The following HPSE2 variants were observed in gnomAD, a reference collection of about 807,000 sequenced individuals.
HPSE2 encodes inactive heparanase-2.
In HPSE2, 38 loss-of-function variants were observed where a neutral mutation model predicts 60.5. That is an observed-to-expected ratio of 0.63 (90% CI 0.48 to 0.82). The LOEUF (loss-of-function observed/expected upper bound fraction) is 0.82, where lower values mean the gene tolerates loss of function less well. Ranked by LOEUF, HPSE2 falls within the 40% of genes least tolerant of loss-of-function variation. HPSE2 has a pLI of 0.00. For missense variants in HPSE2, 713 were observed against 740.4 expected (o/e 0.96, Z 0.43); for synonymous variants, 295 against 293.2 (o/e 1.01, Z -0.06).
intron 11 of HPSE2, among the ~76,000 whole-genome samples, chr10:98,481,984 G>C (rs1371371588): frequency 6.6e-6 from 1 of 152,152 alleles, no homozygotes; most frequent in African/African-American, 2.4e-5. Context: ...GGGAGGCAGG[G>C]AGTGTCACAG....
chr10:98,639,517 G>A (rs1201806246), intron 7 of HPSE2, among the ~76,000 whole-genome samples: 1 of 152,176 alleles, frequency 6.6e-6, no homozygotes, highest in Non-Finnish European at 1.5e-5. Context: ...GGGCTCTACT[G>A]TTCCTCCCAG....
At chr10:98,558,552 A>G (rs942604051) in intron 9 of HPSE2, among the ~76,000 whole-genome samples, 3 of 152,216 alleles carry the variant, frequency 2.0e-5, no homozygotes, top group African/African-American at 7.2e-5. Context: ...TAAAACTGGC[A>G]AAATTATTCC....
chr10:99,050,313 A>C (rs866460112), intron 3 of HPSE2, among the ~76,000 whole-genome samples: 29 of 151,946 alleles, frequency 1.9e-4, no homozygotes, highest in African/African-American at 6.5e-4. Flanking sequence ...AAAAAAAAAA[A>C]CCCCTAAAAC....
chr10:98,851,813 T>C (rs1952179738), intron 3 of HPSE2, among the ~76,000 whole-genome samples: 1 of 152,206 alleles, frequency 6.6e-6, no homozygotes, highest in African/African-American at 2.4e-5. Flanking sequence ...TGGAATTCTT[T>C]ACACTACAAC....
At chr10:99,044,135 C>G (rs1957802840) in intron 3 of HPSE2, among the ~76,000 whole-genome samples, 1 of 152,106 alleles carries the variant, frequency 6.6e-6, no homozygotes, top group Non-Finnish European at 1.5e-5. Context: ...AGAGGAAACC[C>G]CATCAGGCTA....
At chr10:98,691,309 G>C (rs1948071750) in intron 6 of HPSE2, among the ~76,000 whole-genome samples, 1 of 151,958 alleles carries the variant, frequency 6.6e-6, no homozygotes, top group Admixed American at 6.6e-5. Context: ...TGCTTTTTAG[G>C]GTATTTTTGG....
intron 3 of HPSE2, among the ~76,000 whole-genome samples, chr10:98,815,129 T>G (rs1354084473): frequency 3.3e-5 from 5 of 151,844 alleles, no homozygotes; most frequent in Non-Finnish European, 7.4e-5. Context: ...TAAATAAAAA[T>G]AAAATTAGCC....
chr10:98,666,740 A>T (rs969011080), intron 6 of HPSE2, among the ~76,000 whole-genome samples: 2 of 152,214 alleles, frequency 1.3e-5, no homozygotes, highest in African/African-American at 4.8e-5. Flanking sequence ...ACTAATGAAA[A>T]TGGAAACACA....
At chr10:99,197,835 T>C (rs1241979560) in intron 2 of HPSE2, among the ~76,000 whole-genome samples, 1 of 152,060 alleles carries the variant, frequency 6.6e-6, no homozygotes, top group Non-Finnish European at 1.5e-5. Context: ...CCAAAGCAGG[T>C]GGATCACCTG....
intron 9 of HPSE2, among the ~76,000 whole-genome samples, chr10:98,493,261 A>G (rs1026575389): frequency 2.0e-5 from 3 of 152,232 alleles, no homozygotes; most frequent in African/African-American, 7.2e-5. Context: ...TGCAATGAGA[A>G]AAAATGTATA....
the HPSE2 span, among the ~76,000 whole-genome samples, chr10:99,279,849 T>G: frequency 6.6e-6 from 1 of 152,216 alleles, no homozygotes; most frequent in African/African-American, 2.4e-5. Context: ...GGGACTACAC[T>G]GAGTAAATAA....
intron 9 of HPSE2, among the ~76,000 whole-genome samples, chr10:98,559,020 C>G (rs1208440902): frequency 3.3e-5 from 5 of 152,054 alleles, no homozygotes; most frequent in Non-Finnish European, 5.9e-5. Flanking sequence ...ATCGAAGCCT[C>G]TCTGTCTGTT....
intron 3 of HPSE2, among the ~76,000 whole-genome samples, chr10:98,933,421 T>C (rs1159526109): frequency 6.9e-6 from 1 of 144,384 alleles, no homozygotes. Flanking sequence ...AAAAGAAATG[T>C]ATATTCTGTT....
intron 5 of HPSE2, among the ~76,000 whole-genome samples, chr10:98,714,884 T>C (rs553985467): frequency 6.6e-6 from 1 of 151,952 alleles, no homozygotes; most frequent in East Asian, 1.9e-4. Flanking sequence ...TTTTAGTGGA[T>C]GTGAGGTGGT....
At chr10:98,769,298 C>T (rs187707966) in intron 3 of HPSE2, among the ~76,000 whole-genome samples, 102 of 152,204 alleles carry the variant, frequency 6.7e-4, no homozygotes, top group African/African-American at 2.3e-3. Context: ...ATATATGTGT[C>T]TTGAAAGTCT....
intron 3 of HPSE2, among the ~76,000 whole-genome samples, chr10:99,089,997 G>A (rs1029837166): frequency 6.6e-6 from 1 of 152,068 alleles, no homozygotes; most frequent in Non-Finnish European, 1.5e-5. Flanking sequence ...TGTATAGCAG[G>A]GCTACTGATT....
chr10:99,016,273 C>A (rs1957139286), intron 3 of HPSE2, among the ~76,000 whole-genome samples: 1 of 152,144 alleles, frequency 6.6e-6, no homozygotes, highest in African/African-American at 2.4e-5. Flanking sequence ...ATCCCAGCAC[C>A]ATTTATTGAA....
At chr10:99,178,801 G>A (rs1393411059) in intron 2 of HPSE2, among the ~76,000 whole-genome samples, 2 of 151,978 alleles carry the variant, frequency 1.3e-5, no homozygotes, top group African/African-American at 4.8e-5. Flanking sequence ...CCAAAACCTG[G>A]CAGAGACACA....
chr10:99,307,664 G>T, the HPSE2 span, among the ~76,000 whole-genome samples: 8 of 152,132 alleles, frequency 5.3e-5, no homozygotes, highest in African/African-American at 1.9e-4. Flanking sequence ...CACAGCCAAG[G>T]AGTTAATTCA....
Sources: allele counts gnomAD v4.1 joint callset (sites outside exome capture counted in the v4.1 genomes callset), GRCh38; gene constraint gnomAD v4.1.1; transcripts MANE v1.5; gene names NCBI Gene and HGNC (gene_info 2026-07-23, HGNC 2026-07-21).